The following KPNA1 variants were observed in gnomAD, a reference collection of about 807,000 sequenced individuals.
The protein encoded by KPNA1 is importin subunit alpha-5.
A neutral mutation model predicts 70.5 loss-of-function variants in KPNA1; 10 were observed. That is an observed-to-expected ratio of 0.14 (90% confidence interval 0.09 to 0.24). KPNA1 has a LOEUF of 0.24. Ranked by LOEUF, KPNA1 falls within the 10% of genes least tolerant of loss-of-function variation. The pLI is 1.00. For missense variants in KPNA1, 397 were observed against 637.9 expected (o/e 0.62, Z 4.07); for synonymous variants, 192 against 221.9 (o/e 0.87, Z 1.20).
Position 122,427,089 on chromosome 3 carries a change from C to G in KPNA1, c.1513G>C (p.Gly505Arg), listed in dbSNP as rs1432243136. 1.2e-6 allele frequency: 2 copies of G among 1,613,906 alleles called. No individual in the cohort carries two copies. The highest frequency in any genetic ancestry group is 1.7e-6 in the Non-Finnish European group (2 of 1,179,970). ...ATGCTGCTGTCTTCATCTTCGGTCC[C>G]GAAGTAATGCTCAATAAGATCAAAG... ...KAFDLIEHYF[G>R]TEDEDSSIAP... Residue 505 changes from glycine (G) to arginine (R), a missense_variant, in exon 14 of 14, where the codon GGG becomes CGG. Transcript: ENST00000344337.
intron 2 of KPNA1, among the ~76,000 whole-genome samples, chr3:122,476,789 G>C (rs1358120446): frequency 1.5e-5 from 2 of 137,308 alleles, no homozygotes; most frequent in African/African-American, 5.4e-5. Context: ...GCTGAGGAAA[G>C]GAAACCCTTG....
rs536420476 is a variant in KPNA1, at chr3:122,496,344, A to C, written c.129+93T>G. On this transcript the variant is annotated intron_variant, in intron 2 of 13. Coordinates refer to ENST00000344337, the MANE Select transcript of KPNA1 (RefSeq NM_002264.4). ...AACACACACACACACACACACACAC[A>C]CACACCCCAACTTTGCTAAAATGAA... The C allele has an allele frequency of 2.0e-5, 23 of 1,160,666 alleles. No individual in the cohort carries two copies. In the African/African-American group the frequency reaches 2.9e-4, roughly 15 times the overall value. 71.9% of individuals were successfully genotyped at this position (1,160,666 alleles called of 1,614,324 possible).
rs149138135 is a variant in KPNA1 at position 122,453,839 on chromosome 3, T to C, written c.564+31A>G. 8.6e-3 allele frequency: 13,541 copies of C among 1,577,196 alleles called. 148 individuals are homozygous for C. Among genetic ancestry groups the C allele is most frequent in the Non-Finnish European group, 7.9e-3 (9,149 of 1,162,508 alleles). ...GCGACATGCCCAGCCAAAAACTTTC[T>C]TTCACCTGCTTCTTTTTGTTTCATT... On this transcript the variant is annotated intron_variant, in intron 6 of 13. Coordinates refer to ENST00000344337, the MANE Select transcript of KPNA1 (RefSeq NM_002264.4).
In KPNA1 at chr3:122,453,918, G is replaced by C. The variant is rs1424326376; in HGVS notation, c.516C>G (p.Pro172=). The C allele has an allele frequency of 1.9e-6, 3 of 1,613,002 alleles. No individual in the cohort carries two copies. The Admixed American group carries it at 5.0e-5, about 27-fold the overall frequency. Residue 172 remains proline, a synonymous_variant, in exon 6 of 14, where the codon CCC becomes CCG. Coordinates refer to ENST00000344337, the MANE Select transcript of KPNA1 (RefSeq NM_002264.4). The part of the protein sequence containing the change: ...TRIVIQAGAV[P]IFIELLSSEF... The stretch of plus-strand genomic sequence containing the variant: ...CTGAGCTGAGCAACTCTATGAAGAT[G>C]GGCACAGCTCCTGCCTGAATCACAA...
chr3:122,486,760 A>G (rs2076634448), intron 2 of KPNA1, among the ~76,000 whole-genome samples: 1 of 151,920 alleles, frequency 6.6e-6, no homozygotes, highest in Non-Finnish European at 1.5e-5. Context: ...CTAATTTTTT[A>G]TATTTTTAGT....
Position 122,514,835 on chromosome 3 carries a change from A to G in KPNA1, c.-84T>C. On this transcript the variant is annotated 5_prime_UTR_variant, in exon 1 of 14. Transcript: ENST00000344337. ...CCCGCCCGCCGTGCCACTCCCGCGC[A>G]CAACCTCGAAGAGCTGGCCCGCGCC... The G allele has an allele frequency of 6.5e-6, 1 of 153,034 alleles. No homozygotes were observed. Among genetic ancestry groups the G allele is most frequent in the Non-Finnish European group, 1.5e-5 (1 of 68,690 alleles). The allele number at this position is 153,034 out of a possible 1,614,324, so 9.5% of individuals were successfully genotyped here.
chr3:122,452,069 G>A lies in KPNA1; in HGVS notation c.565-5C>T. On this transcript the variant is annotated splice_region_variant and splice_polypyrimidine_tract_variant and intron_variant, in intron 6 of 13. Transcript: ENST00000344337. ...GTTGCCAAGAGCCCAGACTGCCTGT[G>A]AAAGAATCATTCATTAATAAAGGTT... is the stretch of plus-strand genomic sequence containing the variant. 1 of 1,586,346 alleles carries A rather than the reference G, an allele frequency of 6.3e-7. No homozygotes were observed. Among genetic ancestry groups the A allele is most frequent in the South Asian group, 1.1e-5 (1 of 90,122 alleles).
chr3:122,422,295 A>G lies in KPNA1; in HGVS notation c.*4690T>C, dbSNP rs1242337940. ...ATACTTTCCACATTTGTGCGTTTGA[A>G]TGGATCCATGTGTTTAGCCATTATT... On this transcript the variant is annotated 3_prime_UTR_variant, in exon 14 of 14. Transcript: ENST00000344337. 1.3e-5 allele frequency: 2 copies of G among 150,842 alleles called. No homozygotes were observed. Among genetic ancestry groups the G allele is most frequent in the African/African-American group, 4.9e-5 (2 of 41,024 alleles). 9.3% of individuals were successfully genotyped at this position (150,842 alleles called of 1,614,324 possible). A position where few individuals can be genotyped will look rare whatever the true frequency, so the allele number is the denominator to read the frequency against.
intron 1 of KPNA1, 179 bp downstream of exon 1, chr3:122,514,578 G>C (rs1264665436): frequency 6.6e-6 from 1 of 151,840 alleles, no homozygotes; most frequent in Non-Finnish European, 1.5e-5. Context: ...CCTTGTGGCC[G>C]TTAGGACAGC....
At chr3:122,434,659 C>T (rs986247878) in intron 11 of KPNA1, among the ~76,000 whole-genome samples, 9 of 152,206 alleles carry the variant, frequency 5.9e-5, no homozygotes, top group African/African-American at 1.9e-4. Context: ...TTCTCCAAGC[C>T]ACCACCTCCC....
chr3:122,422,985 A>G lies in KPNA1; in HGVS notation c.*4000T>C, dbSNP rs1452484931. The G allele has an allele frequency of 6.6e-6, 1 of 152,210 alleles. No individual in the cohort carries two copies. The highest frequency in any genetic ancestry group is 2.1e-4 in the South Asian group (1 of 4,836). 9.4% of individuals were successfully genotyped at this position (152,210 alleles called of 1,614,324 possible). On this transcript the variant is annotated 3_prime_UTR_variant, in exon 14 of 14. Transcript: ENST00000344337. ...TGATATTTTAAATTAGCATATAAAT[A>G]TTTGCTTTATCAGATATTCTGATGT...
At chr3:122,510,192 T>G (rs1209331854) in intron 1 of KPNA1, among the ~76,000 whole-genome samples, 1 of 152,168 alleles carries the variant, frequency 6.6e-6, no homozygotes, top group Non-Finnish European at 1.5e-5. Context: ...AAGTTTTTGT[T>G]TTCCATGTAT....
At chr3:122,432,098 G>T (rs1277118911) in intron 12 of KPNA1, among the ~76,000 whole-genome samples, 1 of 152,054 alleles carries the variant, frequency 6.6e-6, no homozygotes, top group African/African-American at 2.4e-5. Context: ...CGCTGCACCC[G>T]GCCTGGCTTA....
intron 2 of KPNA1, 47 bp downstream of exon 2, chr3:122,496,390 G>C (rs755298011): frequency 6.4e-7 from 1 of 1,565,718 alleles, no homozygotes; most frequent in Non-Finnish European, 8.7e-7. Flanking sequence ...GGCTTAAAAT[G>C]GAACATTAAA....
intron 3 of KPNA1, among the ~76,000 whole-genome samples, chr3:122,466,546 C>T (rs897634928): frequency 4.6e-5 from 7 of 151,930 alleles, no homozygotes; most frequent in African/African-American, 1.7e-4. Flanking sequence ...CTAGATAGGT[C>T]TAATCCATAC....
At chr3:122,489,830 C>T (rs866218882) in intron 2 of KPNA1, among the ~76,000 whole-genome samples, 18 of 152,266 alleles carry the variant, frequency 1.2e-4, no homozygotes, top group East Asian at 7.7e-4. Flanking sequence ...AGCTCCATTT[C>T]GGTATACAGC....
intron 10 of KPNA1, among the ~76,000 whole-genome samples, chr3:122,441,669 C>T (rs2002271): frequency 0.22 from 34,015 of 151,658 alleles, 4,225 homozygotes; most frequent in Non-Finnish European, 0.27. Flanking sequence ...GGTGCGATCT[C>T]GGCTCACTGC....
chr3:122,452,556 GGGAGGGAGGGAA>G (rs1378632810), intron 6 of KPNA1, among the ~76,000 whole-genome samples: 2 of 34,862 alleles, frequency 5.7e-5, no homozygotes, highest in East Asian at 2.0e-3. Context: ...GAGGGAGGGA[GGGAGGGAGGGAA>G]GGAGGGAAGG....
chr3:122,457,681 C>T (rs1423003727), intron 5 of KPNA1: 7 of 1,266,022 alleles, frequency 5.5e-6, no homozygotes, highest in Non-Finnish European at 7.1e-6. Flanking sequence ...GCGCTCAGTT[C>T]CTTAAATAAG....
Sources: gnomAD v4.1 joint callset for allele counts (sites outside exome capture counted in the v4.1 genomes callset) on GRCh38, gnomAD v4.1.1 for gene constraint, MANE v1.5 for transcripts, NCBI Gene and HGNC (gene_info 2026-07-23, HGNC 2026-07-21) for gene names.